The following SYN2 variants were observed in gnomAD, a reference collection of about 807,000 sequenced individuals.
SYN2 encodes synapsin-2.
SYN2 carries 19 observed loss-of-function variants against 50.9 expected under a neutral mutation model. The observed-to-expected ratio is 0.37, with a 90% CI of 0.26 to 0.55. The LOEUF (loss-of-function observed/expected upper bound fraction) is 0.55. Ranked by LOEUF, SYN2 falls within the 20% of genes least tolerant of loss-of-function variation. SYN2 has a pLI of 0.81. For synonymous variants in SYN2, 255 were observed against 224.9 expected, an observed-to-expected ratio of 1.13 and a Z score of -1.20; for missense variants, 587 against 576.4, an observed-to-expected ratio of 1.02 and a Z score of -0.19.
intron 5 of SYN2, chr3:12,154,260 A>T (rs1697387957): frequency 1.9e-6 from 3 of 1,604,990 alleles, no homozygotes; most frequent in Non-Finnish European, 2.6e-6. Flanking sequence ...GAATAAATTC[A>T]TGCATGAATG....
At chr3:12,185,491 G>A in intron 11 of SYN2, 10 of 985,880 alleles carry the variant, frequency 1.0e-5, no homozygotes, top group Non-Finnish European at 1.2e-5. Context: ...TAACCTGACT[G>A]TTATGTGCCC....
chr3:12,054,149 C>G (rs1339460952), intron 1 of SYN2, among the ~76,000 whole-genome samples: 1 of 152,188 alleles, frequency 6.6e-6, no homozygotes, highest in Non-Finnish European at 1.5e-5. Flanking sequence ...TCTGCCCACT[C>G]AGGACATTTC....
intron 1 of SYN2, among the ~76,000 whole-genome samples, chr3:12,067,004 T>C (rs1483538207): frequency 6.6e-6 from 1 of 152,128 alleles, no homozygotes; most frequent in East Asian, 1.9e-4. Flanking sequence ...AAGCCCCTTA[T>C]ATAAACTATC....
chr3:12,139,664 A>G (rs1284978151), intron 1 of SYN2, among the ~76,000 whole-genome samples: 2 of 152,192 alleles, frequency 1.3e-5, no homozygotes, highest in Non-Finnish European at 2.9e-5. Context: ...CCCAATAAAT[A>G]TTGGTTTATT....
intron 1 of SYN2, among the ~76,000 whole-genome samples, chr3:12,103,032 C>G (rs751025924): frequency 2.0e-5 from 3 of 151,992 alleles, no homozygotes; most frequent in Non-Finnish European, 2.9e-5. Flanking sequence ...ACAAGCTTTA[C>G]CTATGTATTT....
chr3:12,154,263 C>T, intron 5 of SYN2: 20 of 1,606,100 alleles, frequency 1.2e-5, no homozygotes, highest in Non-Finnish European at 1.6e-5. Flanking sequence ...TAAATTCATG[C>T]ATGAATGAAG....
chr3:12,136,805 A>G (rs923713828), intron 1 of SYN2, among the ~76,000 whole-genome samples: 1 of 152,234 alleles, frequency 6.6e-6, no homozygotes, highest in Non-Finnish European at 1.5e-5. Context: ...TAGGCTTGTT[A>G]AGAAAAATGT....
At chr3:12,076,844 A>T (rs17035778) in intron 1 of SYN2, among the ~76,000 whole-genome samples, 14,404 of 152,124 alleles carry the variant, frequency 0.095, 929 homozygotes, top group Middle Eastern at 0.15. Context: ...TAGCCCAGGG[A>T]TGCTAAGATT....
chr3:12,045,765 T>C (rs73813105), intron 1 of SYN2, among the ~76,000 whole-genome samples: 12,741 of 152,140 alleles, frequency 0.084, 1,750 homozygotes, highest in African/African-American at 0.29. Flanking sequence ...TACTGCAACA[T>C]TGAGTAGTGG....
At chr3:12,129,811 C>A (rs1453762951) in intron 1 of SYN2, among the ~76,000 whole-genome samples, 9 of 152,064 alleles carry the variant, frequency 5.9e-5, no homozygotes, top group African/African-American at 2.2e-4. Flanking sequence ...TTGTGTCCCC[C>A]AAATTTATAT....
At chr3:12,187,054 G>A (rs1698355447) in intron 11 of SYN2, among the ~76,000 whole-genome samples, 3 of 152,172 alleles carry the variant, frequency 2.0e-5, no homozygotes, top group South Asian at 4.1e-4. Flanking sequence ...CTAGAGAGGA[G>A]GGGAGAGGAC....
intron 1 of SYN2, among the ~76,000 whole-genome samples, chr3:12,090,804 T>C (rs950581885): frequency 6.6e-6 from 1 of 152,154 alleles, no homozygotes; most frequent in African/African-American, 2.4e-5. Context: ...TTTCTAACTT[T>C]TCCTCCACAG....
intron 1 of SYN2, among the ~76,000 whole-genome samples, chr3:12,093,823 T>C (rs917327919): frequency 3.3e-5 from 5 of 151,900 alleles, no homozygotes; most frequent in African/African-American, 4.8e-5. Flanking sequence ...CTTTTCTCCT[T>C]TCTCTAAAAG....
At chr3:12,064,991 A>T (rs1695182799) in intron 1 of SYN2, among the ~76,000 whole-genome samples, 1 of 152,194 alleles carries the variant, frequency 6.6e-6, no homozygotes, top group African/African-American at 2.4e-5. Flanking sequence ...TAAATGGGTA[A>T]ACAAAATGTG....
chr3:12,163,410 C>T (rs1221742201), intron 7 of SYN2, among the ~76,000 whole-genome samples: 1 of 151,604 alleles, frequency 6.6e-6, no homozygotes, highest in Non-Finnish European at 1.5e-5. Flanking sequence ...TTCTCTTACC[C>T]CCCCTTTTCA....
At chr3:12,157,899 T>A (rs549417377) in intron 5 of SYN2, among the ~76,000 whole-genome samples, 28 of 152,044 alleles carry the variant, frequency 1.8e-4, no homozygotes, top group Non-Finnish European at 1.5e-5. Flanking sequence ...AGTAAATGTT[T>A]ATTGAATTCA....
chr3:12,053,222 A>G (rs1694906493), intron 1 of SYN2, among the ~76,000 whole-genome samples: 1 of 152,100 alleles, frequency 6.6e-6, no homozygotes, highest in East Asian at 1.9e-4. Flanking sequence ...GGAGTTCGAG[A>G]CTAGCCTCAC....
At position 12,141,216 on chromosome 3, in the gene SYN2, A is replaced by G. The variant is rs567912667; in HGVS notation, c.435+508A>G. Among the ~76,000 whole-genome samples, 321 of 148,514 alleles carry G rather than the reference A, an allele frequency of 2.2e-3. 1 individual carries two copies. In the Middle Eastern group the frequency reaches 0.062, roughly 29 times the overall value. Reference sequence around the variant, plus strand: ...AAGTCCAATTTTTTTTTTTTTTTTAACCTTCCTCCATCCTTTGCTTCATAA... The same window carrying G: ...AAGTCCAATTTTTTTTTTTTTTTTAGCCTTCCTCCATCCTTTGCTTCATAA... On this transcript the variant is annotated intron_variant, in intron 2 of 12. Transcript: ENST00000621198.
At chr3:12,005,996 GT>G (rs56407872) in intron 1 of SYN2, among the ~76,000 whole-genome samples, 50,022 of 145,832 alleles carry the variant, frequency 0.34, 10,026 homozygotes, top group East Asian at 0.7. Context: ...CAAGGGTTTT[GT>G]TTTTTTTTTT....
Sources: gnomAD v4.1 joint callset for allele counts (sites outside exome capture counted in the v4.1 genomes callset) on GRCh38, gnomAD v4.1.1 for gene constraint, MANE v1.5 for transcripts, NCBI Gene and HGNC (gene_info 2026-07-23, HGNC 2026-07-21) for gene names.